CSMD1: variants seen among roughly 807,000 people sequenced by gnomAD.
CSMD1 encodes CUB and Sushi multiple domains 1, also known as CUB and sushi domain-containing protein 1.
In CSMD1, 213 loss-of-function variants were observed where a neutral mutation model predicts 417.5. The ratio of observed to expected loss-of-function variants is 0.51; its 90% CI spans 0.46 to 0.57. CSMD1 has a LOEUF of 0.57. CSMD1 is among the 20% of genes least tolerant of loss of function. The pLI is 0.00. For synonymous variants in CSMD1, 2,862 were observed against 1,736.8 expected, an observed-to-expected ratio of 1.65 and a Z score of -16.11; for missense variants, 6,923 against 4,529.7, an observed-to-expected ratio of 1.53 and a Z score of -15.17.
chr8:3,471,675 T>TCC (rs1356500520), intron 11 of CSMD1, among the ~76,000 whole-genome samples: 60 of 127,848 alleles, frequency 4.7e-4, no homozygotes, highest in Admixed American at 2.7e-3. Context: ...CCTCCCTCCC[T>TCC]CCCTTCCTTC....
At chr8:4,572,846 C>G (rs1470824058) in intron 2 of CSMD1, among the ~76,000 whole-genome samples, 1 of 152,132 alleles carries the variant, frequency 6.6e-6, no homozygotes, top group East Asian at 1.9e-4. Flanking sequence ...ATCTTGTCTT[C>G]ATGCTTTATT....
At chr8:3,749,690 C>T (rs1797232419) in intron 6 of CSMD1, among the ~76,000 whole-genome samples, 1 of 152,148 alleles carries the variant, frequency 6.6e-6, no homozygotes, top group Non-Finnish European at 1.5e-5. Flanking sequence ...AAGAGACCAC[C>T]AGTGGGCTGA....
intron 2 of CSMD1, among the ~76,000 whole-genome samples, chr8:4,524,307 T>C (rs1385651297): frequency 6.6e-6 from 1 of 151,550 alleles, no homozygotes; most frequent in Non-Finnish European, 1.5e-5. Context: ...AACAACCTGC[T>C]AGTAAAAAGG....
chr8:3,916,334 G>C (rs1808828121), intron 5 of CSMD1, among the ~76,000 whole-genome samples: 3 of 152,124 alleles, frequency 2.0e-5, no homozygotes, highest in Non-Finnish European at 2.9e-5. Context: ...TATTTATATA[G>C]CATGAATATT....
chr8:4,236,039 GTTTT>G (rs869245155), intron 3 of CSMD1, among the ~76,000 whole-genome samples: 29 of 31,716 alleles, frequency 9.1e-4, no homozygotes, highest in South Asian at 3.0e-3. Flanking sequence ...TTTTTTGTTT[GTTTT>G]TTTTTTTTTT....
At chr8:3,408,900 G>A (rs902637544) in intron 13 of CSMD1, among the ~76,000 whole-genome samples, 1 of 152,024 alleles carries the variant, frequency 6.6e-6, no homozygotes, top group East Asian at 1.9e-4. Flanking sequence ...TTCAGCCTTT[G>A]CTATAGTTAT....
intron 10 of CSMD1, among the ~76,000 whole-genome samples, chr8:3,501,514 G>C (rs1237111867): frequency 2.6e-5 from 4 of 152,126 alleles, no homozygotes; most frequent in South Asian, 2.1e-4. Context: ...CTACATCTTG[G>C]AATAAGATAA....
intron 37 of CSMD1, among the ~76,000 whole-genome samples, chr8:3,164,605 C>T (rs1002339802): frequency 6.6e-6 from 1 of 151,884 alleles, no homozygotes; most frequent in Non-Finnish European, 1.5e-5. Flanking sequence ...TTTATTTCCC[C>T]CTGAAAAAAA....
At chr8:3,448,393 GGA>G (rs1335440029) in intron 12 of CSMD1, among the ~76,000 whole-genome samples, 4 of 132,240 alleles carry the variant, frequency 3.0e-5, no homozygotes, top group South Asian at 2.6e-4. Flanking sequence ...GGAGGGAGGA[GGA>G]AGGGAAGGAA....
Position 3,929,064 on chromosome 8 carries a change from A to G in CSMD1, c.818+68839T>C, listed in dbSNP as rs373829519. On this transcript the variant is annotated intron_variant, in intron 5 of 69. Transcript: ENST00000635120. Reference sequence around the variant, plus strand: ...AGCATTGCCATCTACTAATTGCAGAAAATTAAAAGCACAGAGAATAAAGAA... The same window carrying G: ...AGCATTGCCATCTACTAATTGCAGAGAATTAAAAGCACAGAGAATAAAGAA... Among the ~76,000 whole-genome samples, 112 of 150,540 alleles carry G rather than the reference A, an allele frequency of 7.4e-4. 7 individuals are homozygous for G. The highest frequency in any genetic ancestry group is 3.4e-3 in the Middle Eastern group (1 of 294).
chr8:3,530,821 G>A (rs181333117), intron 10 of CSMD1, among the ~76,000 whole-genome samples: 1 of 148,372 alleles, frequency 6.7e-6, no homozygotes, highest in Non-Finnish European at 1.5e-5. Context: ...GAGCCACCAT[G>A]CCTGCCCTGC....
chr8:4,150,498 T>C (rs1282428836), intron 3 of CSMD1, among the ~76,000 whole-genome samples: 1 of 152,190 alleles, frequency 6.6e-6, no homozygotes, highest in Non-Finnish European at 1.5e-5. Flanking sequence ...AACAGAGATA[T>C]CTTCTAGAAG....
chr8:4,146,905 A>C (rs1804170573), intron 3 of CSMD1, among the ~76,000 whole-genome samples: 1 of 144,244 alleles, frequency 6.9e-6, no homozygotes, highest in Admixed American at 6.7e-5. Context: ...GAGCCACCGC[A>C]CCGGCCAGAC....
Position 4,613,795 on chromosome 8 carries a change from T to A in CSMD1, c.302+23547A>T, listed in dbSNP as rs77728988. On this transcript the variant is annotated intron_variant, in intron 2 of 69. Transcript: ENST00000635120. ...GCTAACATCAAGACCACCCAGGGAC[T>A]GGGATTCACATGGGAAATGGTTCAA... Among the ~76,000 whole-genome samples the A allele has an allele frequency of 2.1e-4, 31 of 149,528 alleles. 2 individuals are homozygous for A. The East Asian group carries it at 5.9e-3, about 29-fold the overall frequency.
At chr8:3,623,576 G>A (rs961622091) in intron 7 of CSMD1, among the ~76,000 whole-genome samples, 2 of 152,294 alleles carry the variant, frequency 1.3e-5, no homozygotes, top group African/African-American at 2.4e-5. Flanking sequence ...GAAACTCTTA[G>A]TATCATTTAC....
intron 3 of CSMD1, among the ~76,000 whole-genome samples, chr8:4,161,925 G>A (rs371014024): frequency 7.5e-4 from 114 of 151,968 alleles, no homozygotes; most frequent in African/African-American, 2.1e-3. Context: ...TATCCCTTTC[G>A]TTTAAATATT....
chr8:4,212,174 TTATA>T (rs10682206), intron 3 of CSMD1, among the ~76,000 whole-genome samples: 2,431 of 145,736 alleles, frequency 0.017, 23 homozygotes, highest in Non-Finnish European at 0.029. Flanking sequence ...ACTTCCCTAT[TTATA>T]TATATATATA....
intron 15 of CSMD1, among the ~76,000 whole-genome samples, chr8:3,405,290 C>G (rs553218554): frequency 1.3e-5 from 2 of 152,228 alleles, no homozygotes; most frequent in South Asian, 4.1e-4. Context: ...CTGATATGGA[C>G]TGTGAACATA....
At position 3,305,802 on chromosome 8, in the gene CSMD1, C is replaced by A. The variant is rs140688419; in HGVS notation, c.3950+1893G>T. Among the ~76,000 whole-genome samples, 174 of 152,306 alleles carry A rather than the reference C, an allele frequency of 1.1e-3. 1 individual carries two copies. The East Asian group carries it at 0.02, about 18-fold the overall frequency. On this transcript the variant is annotated intron_variant, in intron 25 of 69. Transcript: ENST00000635120. ...TCACACCATTCTCCTGCCTCAGCCT[C>A]CCGAGTAGCTGGGACTACAGGTGCC...
Sources: gnomAD v4.1 joint callset for allele counts (sites outside exome capture counted in the v4.1 genomes callset) on GRCh38, gnomAD v4.1.1 for gene constraint, MANE v1.5 for transcripts, NCBI Gene and HGNC (gene_info 2026-07-23, HGNC 2026-07-21) for gene names.